SNTG1: variants seen among roughly 807,000 people sequenced by gnomAD.
SNTG1 encodes the protein syntrophin gamma 1.
SNTG1 carries 39 observed loss-of-function variants against 74.7 expected under a neutral mutation model. The ratio of observed to expected loss-of-function variants is 0.52; its 90% CI spans 0.40 to 0.68. SNTG1 has a LOEUF of 0.68. Ranked by LOEUF, SNTG1 falls within the 30% of genes least tolerant of loss-of-function variation. The pLI, the probability that SNTG1 is intolerant of heterozygous loss-of-function variation, is 0.00. For synonymous variants in SNTG1, 254 were observed against 217.1 expected (o/e 1.17, Z -1.49); for missense variants, 685 against 609.5 (o/e 1.12, Z -1.30).
chr8:50,419,485 G>A (rs1356610336), intron 4 of SNTG1, among the ~76,000 whole-genome samples: 1 of 152,144 alleles, frequency 6.6e-6, no homozygotes, highest in Non-Finnish European at 1.5e-5. Flanking sequence ...TGGTATCAGA[G>A]AAGATTATCT....
At chr8:50,236,488 T>C (rs2085905479) in intron 2 of SNTG1, among the ~76,000 whole-genome samples, 1 of 151,122 alleles carries the variant, frequency 6.6e-6, no homozygotes, top group Non-Finnish European at 1.5e-5. Context: ...TCTCGCTCTT[T>C]AGGCCAGGCT....
At chr8:50,236,544 G>A (rs1271718938) in intron 2 of SNTG1, among the ~76,000 whole-genome samples, 1 of 147,492 alleles carries the variant, frequency 6.8e-6, no homozygotes, top group Admixed American at 7.0e-5. Context: ...TCCACCTCCT[G>A]GGTTCACACC....
At chr8:50,100,567 A>C (rs1352717549) in intron 1 of SNTG1, among the ~76,000 whole-genome samples, 1 of 152,134 alleles carries the variant, frequency 6.6e-6, no homozygotes, top group East Asian at 1.9e-4. Flanking sequence ...CAATTAAAAA[A>C]GGACATATTC....
At chr8:50,073,310 A>G (rs1821539620) in intron 1 of SNTG1, among the ~76,000 whole-genome samples, 1 of 152,216 alleles carries the variant, frequency 6.6e-6, no homozygotes, top group Non-Finnish European at 1.5e-5. Flanking sequence ...CTCATCCATA[A>G]GAAGCAACTC....
chr8:50,288,552 T>C (rs567365432), intron 2 of SNTG1, among the ~76,000 whole-genome samples: 17 of 152,302 alleles, frequency 1.1e-4, no homozygotes, highest in Admixed American at 9.2e-4. Flanking sequence ...CACTCTACTC[T>C]TGCCGACATT....
At chr8:50,268,961 A>C (rs1434928585) in intron 2 of SNTG1, among the ~76,000 whole-genome samples, 2 of 152,094 alleles carry the variant, frequency 1.3e-5, no homozygotes, top group Non-Finnish European at 1.5e-5. Flanking sequence ...ACCCAGCCTC[A>C]ACCAGTTTTT....
At chr8:50,718,166 G>A (rs1250672947) in intron 17 of SNTG1, among the ~76,000 whole-genome samples, 3 of 152,118 alleles carry the variant, frequency 2.0e-5, no homozygotes, top group South Asian at 2.1e-4. Context: ...TTTCACTTGA[G>A]AATTTGTAGG....
At chr8:50,142,458 AC>A (rs1273068456) in intron 1 of SNTG1, among the ~76,000 whole-genome samples, 2 of 144,292 alleles carry the variant, frequency 1.4e-5, no homozygotes, top group African/African-American at 2.7e-5. Context: ...TTTAACACAA[AC>A]CTGCAATTAA....
Position 50,093,673 on chromosome 8 carries a change from A to G in SNTG1, c.-102-78888A>G, listed in dbSNP as rs1001819169. Among the ~76,000 whole-genome samples, 24 of 152,152 alleles carry G rather than the reference A, an allele frequency of 1.6e-4. 1 individual carries two copies. The highest frequency in any genetic ancestry group is 5.8e-4 in the African/African-American group (24 of 41,430). On this transcript the variant is annotated intron_variant, in intron 1 of 18. Transcript: ENST00000642720. ...TCCCTTGTAAGACCTACGAGATGCTAAGTATTATAAAATTTAGTTATAAAG... is the reference window on the plus strand; with the variant it reads ...TCCCTTGTAAGACCTACGAGATGCTGAGTATTATAAAATTTAGTTATAAAG...
chr8:50,088,087 C>T (rs1823081945), intron 1 of SNTG1, among the ~76,000 whole-genome samples: 1 of 150,106 alleles, frequency 6.7e-6, no homozygotes, highest in South Asian at 2.1e-4. Context: ...CAATTTCATC[C>T]ATGTCCCTAC....
chr8:50,373,014 T>C (rs991026416), intron 2 of SNTG1, among the ~76,000 whole-genome samples: 4 of 152,164 alleles, frequency 2.6e-5, no homozygotes, highest in Non-Finnish European at 5.9e-5. Context: ...TATTTAAACA[T>C]TTAGCTATTC....
At chr8:50,425,437 A>T (rs1463720616) in intron 4 of SNTG1, among the ~76,000 whole-genome samples, 1 of 150,648 alleles carries the variant, frequency 6.6e-6, no homozygotes, top group African/African-American at 2.4e-5. Flanking sequence ...ATACCTGATG[A>T]TCTGTCACTG....
intron 2 of SNTG1, among the ~76,000 whole-genome samples, chr8:50,391,951 C>T (rs1349489639): frequency 6.6e-6 from 1 of 152,098 alleles, no homozygotes; most frequent in East Asian, 1.9e-4. Context: ...TTCAACACTG[C>T]TAAGGTCTTT....
At position 50,657,010 on chromosome 8, in the gene SNTG1, G is replaced by T; in HGVS notation, c.951G>T (p.Lys317Asn). 1 of 1,550,646 alleles carries T rather than the reference G, an allele frequency of 6.4e-7. No homozygotes were observed. The highest frequency in any genetic ancestry group is 1.3e-5 in the South Asian group (1 of 79,472). The change falls in exon 14 of 19, where the codon AAG (lysine) becomes AAT (asparagine). Residue 317 changes from lysine to asparagine, a missense_variant. By Grantham distance (94) the Lys-to-Asn change is moderately conservative. Coordinates refer to ENST00000642720, the MANE Select transcript of SNTG1 (RefSeq NM_018967.5). Reference protein sequence around the residue: ...FLALRGSCLYKFLAPPVTTWD... With the variant: ...FLALRGSCLYNFLAPPVTTWD... The stretch of plus-strand genomic sequence containing the variant: ...CCCTGAGGGGCTCATGTCTCTACAA[G>T]TTTCTGGCACCTCCAGTACGTGTTT...
intron 1 of SNTG1, among the ~76,000 whole-genome samples, chr8:50,036,205 C>A (rs900841889): frequency 6.6e-6 from 1 of 152,138 alleles, no homozygotes; most frequent in Non-Finnish European, 1.5e-5. Context: ...CATACATTAT[C>A]TCTCTTAAAC....
chr8:50,404,603 C>A (rs2092847482), intron 4 of SNTG1, among the ~76,000 whole-genome samples: 1 of 151,762 alleles, frequency 6.6e-6, no homozygotes, highest in African/African-American at 2.4e-5. Flanking sequence ...CAAAAATAGA[C>A]CCACTCTTAT....
intron 2 of SNTG1, among the ~76,000 whole-genome samples, chr8:50,260,517 A>G (rs566058612): frequency 7.0e-6 from 1 of 142,790 alleles, no homozygotes; most frequent in African/African-American, 2.6e-5. Flanking sequence ...TTTAACACAC[A>G]CACACACACA....
At chr8:50,791,404 G>A (rs904157003) in intron 18 of SNTG1, among the ~76,000 whole-genome samples, 1 of 151,798 alleles carries the variant, frequency 6.6e-6, no homozygotes, top group African/African-American at 2.4e-5. Flanking sequence ...AAATATTGAA[G>A]GTTTCAAGGG....
At chr8:50,032,816 C>T (rs557175795) in intron 1 of SNTG1, among the ~76,000 whole-genome samples, 2 of 152,214 alleles carry the variant, frequency 1.3e-5, no homozygotes, top group Non-Finnish European at 2.9e-5. Flanking sequence ...TGCTCACCTG[C>T]TAAAAGTCCC....
Sources: allele counts gnomAD v4.1 joint callset (sites outside exome capture counted in the v4.1 genomes callset), GRCh38; gene constraint gnomAD v4.1.1; transcripts MANE v1.5; gene names NCBI Gene and HGNC (gene_info 2026-07-23, HGNC 2026-07-21).